Variants in AP3S1 observed in about 807,000 individuals in gnomAD.
The protein encoded by AP3S1 is adaptor related protein complex 3 subunit sigma 1.
In AP3S1, 12 loss-of-function variants were observed where a neutral mutation model predicts 21.3. The ratio of observed to expected loss-of-function variants is 0.56; its 90% confidence interval spans 0.36 to 0.91. AP3S1 has a LOEUF of 0.91. AP3S1 is among the 40% of genes least tolerant of loss of function. The pLI is 0.01. For synonymous variants in AP3S1, 48 were observed against 78.4 expected (o/e 0.61, Z 2.05); for missense variants, 116 against 225.0 (o/e 0.52, Z 3.10).
chr5:115,888,873 C>G (rs953482450), intron 3 of AP3S1, among the ~76,000 whole-genome samples: 2 of 152,122 alleles, frequency 1.3e-5, no homozygotes, highest in Non-Finnish European at 2.9e-5. Flanking sequence ...GTGCTGGGCA[C>G]TCTATCTAAA....
At chr5:115,843,741 C>T (rs1761837870) in intron 1 of AP3S1, among the ~76,000 whole-genome samples, 1 of 152,158 alleles carries the variant, frequency 6.6e-6, no homozygotes, top group South Asian at 2.1e-4. Flanking sequence ...CTGGCTAATC[C>T]ATGTAATCGG....
intron 1 of AP3S1, among the ~76,000 whole-genome samples, chr5:115,857,488 T>A (rs972875344): frequency 6.6e-6 from 1 of 152,202 alleles, no homozygotes; most frequent in Non-Finnish European, 1.5e-5. Flanking sequence ...AATAAACCCA[T>A]ATATCTGGTT....
At chr5:115,847,003 T>TTCTTTC (rs1313631328) in intron 1 of AP3S1, among the ~76,000 whole-genome samples, 1 of 152,220 alleles carries the variant, frequency 6.6e-6, no homozygotes, top group Non-Finnish European at 1.5e-5. Context: ...TAGATCCAAT[T>TTCTTTC]TCTTTCTCTT....
intron 3 of AP3S1, among the ~76,000 whole-genome samples, chr5:115,882,594 G>A (rs1394245705): frequency 6.6e-5 from 10 of 152,260 alleles, no homozygotes; most frequent in East Asian, 5.8e-4. Flanking sequence ...AGGGGCACCC[G>A]CCAGATGCCA....
At chr5:115,871,810 T>C (rs1748277958) in intron 3 of AP3S1, among the ~76,000 whole-genome samples, 1 of 152,192 alleles carries the variant, frequency 6.6e-6, no homozygotes, top group African/African-American at 2.4e-5. Context: ...CCCATACCTC[T>C]AGATGACTAC....
chr5:115,849,140 C>T (rs913382094), intron 1 of AP3S1, among the ~76,000 whole-genome samples: 1 of 152,160 alleles, frequency 6.6e-6, no homozygotes, highest in African/African-American at 2.4e-5. Context: ...ACTAGTAATA[C>T]AGTGATAAGT....
chr5:115,865,086 C>G (rs1051143390), intron 1 of AP3S1, among the ~76,000 whole-genome samples: 2 of 151,768 alleles, frequency 1.3e-5, no homozygotes, highest in African/African-American at 4.8e-5. Flanking sequence ...AGTATGCCTG[C>G]CTCTCCAGCC....
intron 3 of AP3S1, among the ~76,000 whole-genome samples, chr5:115,875,662 C>T (rs1748650100): frequency 6.6e-6 from 1 of 152,132 alleles, no homozygotes. Context: ...GGATTCCTGG[C>T]CTAGCGAGCT....
intron 5 of AP3S1, chr5:115,906,904 G>A: frequency 6.9e-7 from 1 of 1,458,512 alleles, no homozygotes; most frequent in Admixed American, 2.5e-5. Flanking sequence ...CAAAGGGAAA[G>A]CAAAATGATG....
intron 3 of AP3S1, among the ~76,000 whole-genome samples, chr5:115,887,957 G>A (rs1186109553): frequency 1.3e-5 from 2 of 151,956 alleles, no homozygotes; most frequent in Non-Finnish European, 2.9e-5. Context: ...TTTGGAGGAG[G>A]CATTTTTCGA....
At chr5:115,898,288 T>C (rs1171033425) in intron 4 of AP3S1, among the ~76,000 whole-genome samples, 1 of 152,224 alleles carries the variant, frequency 6.6e-6, no homozygotes, top group Non-Finnish European at 1.5e-5. Flanking sequence ...ACAGTTTCTA[T>C]GTGGCCAGCT....
At chr5:115,894,709 T>G (rs1359627039) in intron 3 of AP3S1, among the ~76,000 whole-genome samples, 3 of 152,234 alleles carry the variant, frequency 2.0e-5, no homozygotes, top group Non-Finnish European at 4.4e-5. Context: ...TTAGATATAG[T>G]AGGGACTTGG....
At chr5:115,873,017 G>A (rs898113055) in intron 3 of AP3S1, among the ~76,000 whole-genome samples, 3 of 152,160 alleles carry the variant, frequency 2.0e-5, no homozygotes, top group East Asian at 1.9e-4. Context: ...AGGAGAAAGT[G>A]TACCATTTCA....
At chr5:115,895,062 T>C (rs375861747) in intron 3 of AP3S1, 25 bp from the exon 4 acceptor site, 61 of 1,532,964 alleles carry the variant, frequency 4.0e-5, no homozygotes, top group Non-Finnish European at 4.8e-5. Flanking sequence ...AAACAGTTCT[T>C]AAAACCTTTT....
intron 5 of AP3S1, 145 bp from the exon 6 acceptor site, chr5:115,913,217 C>A: frequency 3.1e-6 from 2 of 655,344 alleles, no homozygotes; most frequent in Non-Finnish European, 4.6e-6. Context: ...TCAAAGTAAC[C>A]ATTCCATACC....
intron 3 of AP3S1, among the ~76,000 whole-genome samples, chr5:115,883,577 T>C (rs975815430): frequency 6.6e-6 from 1 of 152,150 alleles, no homozygotes; most frequent in African/African-American, 2.4e-5. Flanking sequence ...GGTACCTCGG[T>C]TGGAAATGCA....
chr5:115,842,415 A>T (rs1329404349), intron 1 of AP3S1: 2 of 269,822 alleles, frequency 7.4e-6, no homozygotes, highest in Non-Finnish European at 1.4e-5. Context: ...CCGATCGGGC[A>T]GCCGCAGCCC....
intron 3 of AP3S1, among the ~76,000 whole-genome samples, chr5:115,887,474 C>T (rs1472656239): frequency 6.7e-6 from 1 of 150,194 alleles, no homozygotes; most frequent in African/African-American, 2.4e-5. Flanking sequence ...TACTTAGAAA[C>T]TCAAAAAGGG....
chr5:115,850,199 G>C (rs997137086), intron 1 of AP3S1, among the ~76,000 whole-genome samples: 6 of 152,222 alleles, frequency 3.9e-5, no homozygotes, highest in Admixed American at 1.3e-4. Context: ...CAGGAGGAAA[G>C]GGCTATCTTT....
Sources: gnomAD v4.1 joint callset for allele counts (sites outside exome capture counted in the v4.1 genomes callset) on GRCh38, gnomAD v4.1.1 for gene constraint, MANE v1.5 for transcripts, NCBI Gene and HGNC (gene_info 2026-07-23, HGNC 2026-07-21) for gene names.